The following HPSE2 variants were observed in gnomAD, a reference collection of about 807,000 sequenced individuals.
HPSE2 encodes the protein inactive heparanase-2.
Under a neutral mutation model 60.5 loss-of-function variants are expected in HPSE2, and 38 were observed. That is an observed-to-expected ratio of 0.63 (90% CI 0.48 to 0.82). The LOEUF (loss-of-function observed/expected upper bound fraction) is 0.82. HPSE2 is among the 40% of genes least tolerant of loss of function. The pLI is 0.00. For synonymous variants in HPSE2, 295 were observed against 293.2 expected (o/e 1.01, Z -0.06); for missense variants, 713 against 740.4 (o/e 0.96, Z 0.43).
chr10:99,172,492 C>G (rs960019400), intron 2 of HPSE2, among the ~76,000 whole-genome samples: 4 of 152,136 alleles, frequency 2.6e-5, no homozygotes, highest in African/African-American at 9.7e-5. Context: ...CTATATTGGA[C>G]ACTAGGAATA....
At chr10:99,106,220 T>C (rs1844241374) in intron 3 of HPSE2, among the ~76,000 whole-genome samples, 2 of 150,962 alleles carry the variant, frequency 1.3e-5, no homozygotes, top group Non-Finnish European at 1.5e-5. Flanking sequence ...CTTAACAATA[T>C]TGAGTTCTCC....
At chr10:99,110,721 A>C (rs947742440) in intron 3 of HPSE2, among the ~76,000 whole-genome samples, 2 of 152,122 alleles carry the variant, frequency 1.3e-5, no homozygotes, top group Non-Finnish European at 2.9e-5. Flanking sequence ...GAAATTACCC[A>C]AAAAAATTGC....
chr10:98,882,118 T>C (rs10786481), intron 3 of HPSE2, among the ~76,000 whole-genome samples: 97,700 of 151,784 alleles, frequency 0.64, 32,536 homozygotes, highest in South Asian at 0.79. Flanking sequence ...CCTTTCTCCA[T>C]TAGATAAGCA....
intron 2 of HPSE2, among the ~76,000 whole-genome samples, chr10:99,170,981 A>G (rs188117062): frequency 6.6e-6 from 1 of 152,360 alleles, no homozygotes; most frequent in Admixed American, 6.5e-5. Context: ...GATTATTTGA[A>G]GTATACAGGA....
chr10:98,647,300 G>A (rs376529140), intron 6 of HPSE2, among the ~76,000 whole-genome samples: 1 of 152,208 alleles, frequency 6.6e-6, no homozygotes, highest in Non-Finnish European at 1.5e-5. Context: ...ATTTAATGAG[G>A]AGAGTTTGTT....
chr10:98,475,965 A>G (rs1564905000), intron 11 of HPSE2, among the ~76,000 whole-genome samples: 1 of 152,062 alleles, frequency 6.6e-6, no homozygotes, highest in East Asian at 1.9e-4. Flanking sequence ...CAGCCATCCC[A>G]TTACTGGGTA....
At chr10:98,632,938 T>C (rs956704662) in intron 7 of HPSE2, among the ~76,000 whole-genome samples, 1 of 152,126 alleles carries the variant, frequency 6.6e-6, no homozygotes, top group Non-Finnish European at 1.5e-5. Context: ...GTTTGAACTG[T>C]GCAAGTTCAC....
At chr10:98,649,509 G>A (rs1466633275) in intron 6 of HPSE2, among the ~76,000 whole-genome samples, 1 of 152,028 alleles carries the variant, frequency 6.6e-6, no homozygotes, top group Non-Finnish European at 1.5e-5. Context: ...ACAGCACCAT[G>A]CTTATTTCAT....
intron 9 of HPSE2, among the ~76,000 whole-genome samples, chr10:98,560,906 T>A (rs1944156286): frequency 6.6e-6 from 1 of 152,224 alleles, no homozygotes; most frequent in African/African-American, 2.4e-5. Context: ...ATATAATTAT[T>A]ATGTATAGTG....
chr10:98,996,726 T>C (rs1377279338), intron 3 of HPSE2, among the ~76,000 whole-genome samples: 1 of 152,156 alleles, frequency 6.6e-6, no homozygotes, highest in Non-Finnish European at 1.5e-5. Context: ...CATGAGTGAA[T>C]ATCAAAAACA....
At chr10:98,566,382 C>T (rs956306184) in intron 9 of HPSE2, among the ~76,000 whole-genome samples, 1 of 152,250 alleles carries the variant, frequency 6.6e-6, no homozygotes, top group African/African-American at 2.4e-5. Context: ...GCAAAGCCTA[C>T]CACAAGGGAT....
intron 9 of HPSE2, among the ~76,000 whole-genome samples, chr10:98,501,465 T>C (rs1942026775): frequency 6.6e-6 from 1 of 152,184 alleles, no homozygotes. Context: ...ATCATCTCAA[T>C]AGATGCAGAA....
chr10:98,714,563 A>G (rs1948748576), intron 5 of HPSE2, among the ~76,000 whole-genome samples: 1 of 151,872 alleles, frequency 6.6e-6, no homozygotes, highest in Non-Finnish European at 1.5e-5. Context: ...GTCTAATAAT[A>G]TTTAATTGTA....
At chr10:98,797,568 G>A (rs1458585026) in intron 3 of HPSE2, among the ~76,000 whole-genome samples, 3 of 152,114 alleles carry the variant, frequency 2.0e-5, no homozygotes, top group Non-Finnish European at 4.4e-5. Flanking sequence ...GGTAAGCCGG[G>A]CGCAGTGGCT....
chr10:99,052,410 G>A (rs1226658828), intron 3 of HPSE2, among the ~76,000 whole-genome samples: 1 of 150,004 alleles, frequency 6.7e-6, no homozygotes, highest in Non-Finnish European at 1.5e-5. Flanking sequence ...AAAATGAATA[G>A]AGTTTCAATA....
chr10:98,472,718 A>G (rs1295451634), intron 11 of HPSE2, among the ~76,000 whole-genome samples: 2 of 152,224 alleles, frequency 1.3e-5, no homozygotes, highest in Non-Finnish European at 2.9e-5. Context: ...ATGCATATTG[A>G]TCTGATTTCA....
intron 3 of HPSE2, among the ~76,000 whole-genome samples, chr10:99,081,826 C>T (rs1194069459): frequency 6.6e-6 from 1 of 151,892 alleles, no homozygotes; most frequent in Admixed American, 6.6e-5. Flanking sequence ...TTAGTAGAGA[C>T]AGGGTATCAC....
chr10:99,152,070 G>C (rs1028307458), intron 2 of HPSE2, among the ~76,000 whole-genome samples: 1 of 151,916 alleles, frequency 6.6e-6, no homozygotes, highest in Non-Finnish European at 1.5e-5. Context: ...TTCCAGCTTT[G>C]GGAGGCCGAG....
intron 1 of HPSE2, among the ~76,000 whole-genome samples, chr10:99,232,798 T>G (rs550972092): frequency 6.6e-6 from 1 of 152,376 alleles, no homozygotes; most frequent in East Asian, 1.9e-4. Flanking sequence ...TGTTTGTTCA[T>G]AGAGTGTTTG....
Sources: allele counts gnomAD v4.1 joint callset (sites outside exome capture counted in the v4.1 genomes callset), GRCh38; gene constraint gnomAD v4.1.1; transcripts MANE v1.5; gene names NCBI Gene and HGNC (gene_info 2026-07-23, HGNC 2026-07-21).